CHSY1: variants seen among roughly 807,000 people sequenced by gnomAD.
The protein encoded by CHSY1 is N-acetylgalactosaminyl-proteoglycan 3-beta-glucuronosyltransferase 1.
Under a neutral mutation model 59.8 loss-of-function variants are expected in CHSY1, and 13 were observed. The observed-to-expected ratio is 0.22, with a 90% CI of 0.14 to 0.35. The LOEUF (loss-of-function observed/expected upper bound fraction) is 0.35. Ranked by LOEUF, CHSY1 falls within the 10% of genes least tolerant of loss-of-function variation. The pLI is 1.00. For missense variants in CHSY1, 947 were observed against 1,030.6 expected (o/e 0.92, Z 1.11); for synonymous variants, 459 against 401.2 (o/e 1.14, Z -1.72).
chr15:101,189,636 A>T (rs958261126), intron 2 of CHSY1: 4 of 182,550 alleles, frequency 2.2e-5, no homozygotes, highest in Admixed American at 2.0e-4. Context: ...ATACAAGCCA[A>T]AGTATATCTG....
chr15:101,240,446 T>A (rs113334533), intron 1 of CHSY1, among the ~76,000 whole-genome samples: 1 of 152,352 alleles, frequency 6.6e-6, no homozygotes, highest in Non-Finnish European at 1.5e-5. Context: ...CAAAGAACTC[T>A]CACTTAATTG....
intron 2 of CHSY1, among the ~76,000 whole-genome samples, chr15:101,230,678 T>G (rs2038884606): frequency 6.6e-6 from 1 of 152,212 alleles, no homozygotes; most frequent in African/African-American, 2.4e-5. Flanking sequence ...TTTTTACACA[T>G]TTTGCTGCAA....
In CHSY1 at chr15:101,176,261, A is replaced by G. The variant is rs1045044148; in HGVS notation, c.*1127T>C. On this transcript the variant is annotated 3_prime_UTR_variant, in exon 3 of 3. Transcript: ENST00000254190. ...TAAAGGTATTTCAGATACAAAGGAT[A>G]AAACAAAACAGTAATGAAAGAATGA... 5 of 398,570 alleles carry G rather than the reference A, an allele frequency of 1.3e-5. No homozygotes were observed. The highest frequency in any genetic ancestry group is 2.2e-5 in the Non-Finnish European group (5 of 226,030). The allele number at this position is 398,570 out of a possible 1,614,324, so 24.7% of individuals were successfully genotyped here. A position where few individuals can be genotyped will look rare whatever the true frequency, so the allele number is the denominator to read the frequency against.
At chr15:101,247,148 A>T (rs1321258783) in intron 1 of CHSY1, among the ~76,000 whole-genome samples, 1 of 152,176 alleles carries the variant, frequency 6.6e-6, no homozygotes, top group Non-Finnish European at 1.5e-5. Flanking sequence ...AAACTTTACA[A>T]GACTGGACAC....
In CHSY1 at chr15:101,176,812, A is replaced by G. The variant is rs1008478500; in HGVS notation, c.*576T>C. 6.6e-5 allele frequency: 11 copies of G among 167,274 alleles called. No homozygotes were observed. The highest frequency in any genetic ancestry group is 2.4e-4 in the African/African-American group (10 of 42,104). 10.4% of individuals were successfully genotyped at this position (167,274 alleles called of 1,614,324 possible). ...CTCCGTCTCAAAAAAAGAACAAAACAAAACAAACAAAAAACCTACGTGGCC... is the reference window on the plus strand; with the variant it reads ...CTCCGTCTCAAAAAAAGAACAAAACGAAACAAACAAAAAACCTACGTGGCC... On this transcript the variant is annotated 3_prime_UTR_variant, in exon 3 of 3. Coordinates refer to ENST00000254190, the MANE Select transcript of CHSY1 (RefSeq NM_014918.5).
chr15:101,229,847 C>A (rs931222089), intron 2 of CHSY1, among the ~76,000 whole-genome samples: 4 of 152,018 alleles, frequency 2.6e-5, no homozygotes, highest in African/African-American at 9.6e-5. Context: ...GCAGAGGTTG[C>A]AGTGAGCTGA....
intron 2 of CHSY1, among the ~76,000 whole-genome samples, chr15:101,204,155 G>A (rs751668269): frequency 1.1e-4 from 16 of 152,116 alleles, no homozygotes; most frequent in Non-Finnish European, 1.8e-4. Flanking sequence ...AATGTAGGCC[G>A]GGCACAGTGG....
intron 2 of CHSY1, among the ~76,000 whole-genome samples, chr15:101,184,884 C>A (rs1038628809): frequency 3.9e-5 from 6 of 152,166 alleles, no homozygotes; most frequent in African/African-American, 1.4e-4. Context: ...AGAGAAGTTC[C>A]TACCTGACAG....
chr15:101,192,700 C>CACAGATTCTTTCCACACTG (rs1208157919), intron 2 of CHSY1, among the ~76,000 whole-genome samples: 5 of 152,220 alleles, frequency 3.3e-5, no homozygotes, highest in Middle Eastern at 3.4e-3. Context: ...AGGCAGGTCT[C>CACAGATTCTTTCCACACTG]ACAGCACACA....
rs1371205642 is a variant in CHSY1 at position 101,221,203 on chromosome 15, ATAT to A, written c.816+13876_816+13878del. ...TACGCAGACAAATTTTTAAAAATAT[ATAT>A]TAACAGGCCGGGTGCGGTGGCTCAC... On this transcript the variant is annotated intron_variant, in intron 2 of 2. Coordinates refer to ENST00000254190, the MANE Select transcript of CHSY1 (RefSeq NM_014918.5). Among the ~76,000 whole-genome samples, 4 of 152,338 alleles carry A rather than the reference ATAT, an allele frequency of 2.6e-5. No individual in the cohort carries two copies. The South Asian group carries it at 8.3e-4, about 32-fold the overall frequency.
Position 101,237,274 on chromosome 15 carries a change from A to C in CHSY1, c.321-1697T>G, listed in dbSNP as rs58007392. ...CAGAGGCAAATGTGCAAGGCCTGGC[A>C]GAGTACACTAGAGATGCAGGCCTCT... On this transcript the variant is annotated intron_variant, in intron 1 of 2. Transcript: ENST00000254190. Among the ~76,000 whole-genome samples the C allele has an allele frequency of 6.4e-3, 969 of 151,098 alleles. 18 individuals are homozygous for C. The East Asian group carries it at 0.066, about 10-fold the overall frequency.
chr15:101,231,404 G>A (rs546972934), intron 2 of CHSY1, among the ~76,000 whole-genome samples: 43 of 152,368 alleles, frequency 2.8e-4, no homozygotes, highest in African/African-American at 1.0e-3. Context: ...GAGGCACCAT[G>A]ATGGCTAATT....
intron 2 of CHSY1, among the ~76,000 whole-genome samples, chr15:101,229,955 T>C (rs1046599902): frequency 6.6e-5 from 10 of 151,872 alleles, no homozygotes; most frequent in Non-Finnish European, 1.5e-4. Flanking sequence ...ACTTTTTTTT[T>C]TTTTTGAGAC....
intron 2 of CHSY1, among the ~76,000 whole-genome samples, chr15:101,221,006 G>A (rs1042853131): frequency 3.3e-5 from 5 of 151,986 alleles, no homozygotes; most frequent in African/African-American, 7.3e-5. Context: ...TCAGTCGGCC[G>A]CCTTATCATG....
chr15:101,198,340 G>C (rs2038531168), intron 2 of CHSY1, among the ~76,000 whole-genome samples: 1 of 152,146 alleles, frequency 6.6e-6, no homozygotes. Flanking sequence ...CCGAAATCCT[G>C]GAAAAGCCAT....
intron 1 of CHSY1, among the ~76,000 whole-genome samples, chr15:101,244,038 T>C (rs2039028117): frequency 6.6e-6 from 1 of 152,228 alleles, no homozygotes; most frequent in African/African-American, 2.4e-5. Flanking sequence ...GACTGGACCT[T>C]ATTTGTAATC....
intron 2 of CHSY1, among the ~76,000 whole-genome samples, chr15:101,195,773 C>T (rs1328370541): frequency 6.3e-5 from 9 of 143,550 alleles, no homozygotes; most frequent in African/African-American, 2.1e-4. Flanking sequence ...TGCAGTGAGC[C>T]GAGATAGTGC....
chr15:101,195,252 A>C (rs2038492404), intron 2 of CHSY1, among the ~76,000 whole-genome samples: 1 of 152,244 alleles, frequency 6.6e-6, no homozygotes, highest in African/African-American at 2.4e-5. Context: ...TATACTTTGC[A>C]AACTATACAG....
At position 101,251,776 on chromosome 15, in the gene CHSY1, ACGACGG is replaced by A. The variant is rs1271081672; in HGVS notation, c.-326_-321del. On this transcript the variant is annotated 5_prime_UTR_variant, in exon 1 of 3. Transcript: ENST00000254190. ...TCGCGCGCGGGGACGCGGGGCCGGC[ACGACGG>A]CGACGACGGCGGCGGCAGACGAGTC... 1 of 149,146 alleles carries A rather than the reference ACGACGG, an allele frequency of 6.7e-6. No homozygotes were observed. The highest frequency in any genetic ancestry group is 2.1e-4 in the South Asian group (1 of 4,794). The allele number at this position is 149,146 out of a possible 1,614,324, so 9.2% of individuals were successfully genotyped here.
Sources: allele counts gnomAD v4.1 joint callset (sites outside exome capture counted in the v4.1 genomes callset), GRCh38; gene constraint gnomAD v4.1.1; transcripts MANE v1.5; gene names NCBI Gene and HGNC (gene_info 2026-07-23, HGNC 2026-07-21).